ENPP2: variants seen among roughly 807,000 people sequenced by gnomAD.
The protein encoded by ENPP2 is ectonucleotide pyrophosphatase/phosphodiesterase 2, also known as autotaxin.
In ENPP2, 51 loss-of-function variants were observed where a neutral mutation model predicts 120.2. The observed-to-expected ratio is 0.42, with a 90% CI of 0.34 to 0.54. The LOEUF is 0.54. Among genes scored for constraint, ENPP2 ranks in the 20% least tolerant of loss-of-function variants. The pLI is 0.04. For missense variants in ENPP2, 920 were observed against 1,066.5 expected, an observed-to-expected ratio of 0.86 and a Z score of 1.91; for synonymous variants, 365 against 366.4, an observed-to-expected ratio of 1.00 and a Z score of 0.04.
At chr8:119,617,671 G>T (rs540530057) in intron 5 of ENPP2, 108 bp from the exon 6 acceptor site, 10 of 762,356 alleles carry the variant, frequency 1.3e-5, no homozygotes, top group Non-Finnish European at 1.8e-5. Context: ...AAATTTCACC[G>T]GGCGTGATGG....
chr8:119,607,674 CAA>C (rs56095103), intron 9 of ENPP2, among the ~76,000 whole-genome samples: 7 of 98,660 alleles, frequency 7.1e-5, no homozygotes, highest in Admixed American at 1.2e-4. Flanking sequence ...GACTCCATCT[CAA>C]AAAAAAAAAA....
chr8:119,648,036 C>T (rs1179443302), intron 1 of ENPP2, among the ~76,000 whole-genome samples: 1 of 152,026 alleles, frequency 6.6e-6, no homozygotes, highest in African/African-American at 2.4e-5. Context: ...TTCTGGAGTC[C>T]CACTGACTTG....
chr8:119,588,796 A>G (rs1045859810), intron 13 of ENPP2, among the ~76,000 whole-genome samples: 3 of 152,186 alleles, frequency 2.0e-5, no homozygotes, highest in African/African-American at 7.2e-5. Flanking sequence ...AGTCCCAGAG[A>G]ATTACTAGGA....
At chr8:119,557,868 C>T (rs1587300542) in intron 24 of ENPP2, among the ~76,000 whole-genome samples, 177 bp from the exon 25 acceptor site, 2 of 152,312 alleles carry the variant, frequency 1.3e-5, no homozygotes, top group Non-Finnish European at 2.9e-5. Context: ...TAATGTGCCA[C>T]AAATACCTGC....
At chr8:119,615,862 C>T (rs1815420286) in intron 8 of ENPP2, among the ~76,000 whole-genome samples, 1 of 152,086 alleles carries the variant, frequency 6.6e-6, no homozygotes, top group African/African-American at 2.4e-5. Context: ...TTCACCTCAT[C>T]ACCATTGTCA....
intron 2 of ENPP2, among the ~76,000 whole-genome samples, chr8:119,636,234 C>T (rs980294729): frequency 9.2e-5 from 14 of 152,152 alleles, no homozygotes; most frequent in Admixed American, 8.5e-4. Flanking sequence ...ATGTGTCAAT[C>T]GAGAGAGATC....
In ENPP2 at chr8:119,582,452, A is replaced by C. The variant is rs759928164; in HGVS notation, c.1694T>G (p.Leu565Arg). The change falls in exon 18 of 25, where the codon CTG (leucine) becomes CGG (arginine). Residue 565 changes from leucine to arginine, a missense_variant. Transcript: ENST00000075322. ...TACCTTATCATCACAAGTGCAGCCC[A>C]GGTCAAAATCAGACTGAAGGTACAT... Reference protein sequence around the residue: ...GIMYLQSDFDLGCTCDDKVEP... With the variant: ...GIMYLQSDFDRGCTCDDKVEP... 3 of 1,613,980 alleles carry C rather than the reference A, an allele frequency of 1.9e-6. No individual in the cohort carries two copies. The African/African-American group carries it at 4.0e-5, about 22-fold the overall frequency.
chr8:119,662,862 G>A (rs35530706), intron 1 of ENPP2, among the ~76,000 whole-genome samples: 47,625 of 151,972 alleles, frequency 0.31, 7,869 homozygotes, highest in East Asian at 0.5. Context: ...CTTAATCCCA[G>A]GACTTTGGGA....
intron 1 of ENPP2, among the ~76,000 whole-genome samples, chr8:119,668,512 C>A (rs1320145665): frequency 6.7e-6 from 1 of 148,158 alleles, no homozygotes; most frequent in African/African-American, 2.5e-5. Flanking sequence ...TCACTGCAAC[C>A]TCCACCTCCC....
At chr8:119,568,326 G>A in intron 21 of ENPP2, 74 bp from the exon 22 acceptor site, 5 of 816,790 alleles carry the variant, frequency 6.1e-6, no homozygotes, top group South Asian at 6.0e-5. Flanking sequence ...AGGGAGAGGG[G>A]GGTAGAATTT....
rs149976919 is a variant in ENPP2 at position 119,646,474 on chromosome 8, G to A, written c.22-7947C>T. 1.3e-3 allele frequency among the ~76,000 whole-genome samples: 192 copies of A among 152,218 alleles called. 1 individual carries two copies. The highest frequency in any genetic ancestry group is 2.0e-3 in the Non-Finnish European group (139 of 68,008). Reference sequence around the variant, plus strand: ...CAACTCCACCAGGTGCTTCTGATGCGAGTTTGAGGACCACTGACCTAGAGG... The same window carrying A: ...CAACTCCACCAGGTGCTTCTGATGCAAGTTTGAGGACCACTGACCTAGAGG... On this transcript the variant is annotated intron_variant, in intron 1 of 25. Transcript: ENST00000427067.
chr8:119,631,754 A>G (rs111340786), intron 2 of ENPP2, among the ~76,000 whole-genome samples: 228 of 152,268 alleles, frequency 1.5e-3, no homozygotes, highest in African/African-American at 5.2e-3. Context: ...TTTTCCTAGG[A>G]GTTCTGCAAT....
chr8:119,577,072 G>A (rs1171334825), intron 19 of ENPP2, among the ~76,000 whole-genome samples: 1 of 152,106 alleles, frequency 6.6e-6, no homozygotes, highest in African/African-American at 2.4e-5. Context: ...TTGTACAGAT[G>A]TATGACAGAT....
chr8:119,588,469 C>A (rs2130399140), intron 13 of ENPP2, among the ~76,000 whole-genome samples: 1 of 139,094 alleles, frequency 7.2e-6, no homozygotes, highest in South Asian at 2.2e-4. Context: ...GCAGAGGTTG[C>A]AGTGAGCCAA....
intron 22 of ENPP2, among the ~76,000 whole-genome samples, chr8:119,566,174 A>C (rs900222779): frequency 6.6e-6 from 1 of 152,154 alleles, no homozygotes; most frequent in African/African-American, 2.4e-5. Context: ...CCCTGCAGAG[A>C]ACTGCCTTAT....
At chr8:119,569,161 T>A in intron 21 of ENPP2, 74 bp downstream of exon 21, 3 of 1,455,762 alleles carry the variant, frequency 2.1e-6, no homozygotes, top group Non-Finnish European at 2.8e-6. Context: ...CCCAAGCCAC[T>A]GAAATTCCAA....
chr8:119,620,098 G>A (rs1430462904), intron 4 of ENPP2, among the ~76,000 whole-genome samples: 1 of 152,124 alleles, frequency 6.6e-6, no homozygotes, highest in South Asian at 2.1e-4. Flanking sequence ...GGACAATGGG[G>A]TAACTATTAT....
intron 1 of ENPP2, among the ~76,000 whole-genome samples, chr8:119,663,197 G>A (rs2130901283): frequency 6.6e-6 from 1 of 151,740 alleles, no homozygotes; most frequent in Admixed American, 6.5e-5. Context: ...GTTCCCACGA[G>A]ATGAGCAGTG....
At chr8:119,600,857 T>C in intron 10 of ENPP2, 107 bp from the exon 11 acceptor site, 1 of 751,340 alleles carries the variant, frequency 1.3e-6, no homozygotes, top group Non-Finnish European at 2.3e-6. Context: ...CAAGTTTAAT[T>C]TATCCTTTAA....
Sources: allele counts gnomAD v4.1 joint callset (sites outside exome capture counted in the v4.1 genomes callset), GRCh38; gene constraint gnomAD v4.1.1; transcripts MANE v1.5; gene names NCBI Gene and HGNC (gene_info 2026-07-23, HGNC 2026-07-21).